The following NBAS variants were observed in gnomAD, a reference collection of about 807,000 sequenced individuals.
The protein encoded by NBAS is NBAS subunit of NRZ tethering complex.
In NBAS, 219 loss-of-function variants were observed where a neutral mutation model predicts 302.5. That is an observed-to-expected ratio of 0.72 (90% CI 0.65 to 0.81). The LOEUF (loss-of-function observed/expected upper bound fraction) is 0.81, where lower values mean the gene tolerates loss of function less well. NBAS is among the 30% of genes least tolerant of loss of function. The probability of loss-of-function intolerance (pLI) is 0.00; values close to 1 mark genes in which losing one functional copy is unlikely to be tolerated. For synonymous variants in NBAS, 1,118 were observed against 1,021.6 expected, an observed-to-expected ratio of 1.09 and a Z score of -1.80; for missense variants, 2,932 against 2,841.6, an observed-to-expected ratio of 1.03 and a Z score of -0.72.
At chr2:15,076,387 G>A in the NBAS span, among the ~76,000 whole-genome samples, 8 of 152,256 alleles carry the variant, frequency 5.3e-5, no homozygotes, top group South Asian at 1.5e-3. Flanking sequence ...TGCTGATAAC[G>A]TGCCGTTTTA....
the NBAS span, among the ~76,000 whole-genome samples, chr2:14,847,382 T>TAAA: frequency 0.022 from 1,162 of 53,120 alleles, 26 homozygotes; most frequent in Middle Eastern, 0.095. Flanking sequence ...GACTCTATCT[T>TAAA]AAAAAAAAAA....
the NBAS span, among the ~76,000 whole-genome samples, chr2:14,967,446 T>C: frequency 6.6e-6 from 1 of 151,948 alleles, no homozygotes; most frequent in African/African-American, 2.4e-5. Context: ...GATAGACAAA[T>C]AGATAAAGAA....
intron 35 of NBAS, among the ~76,000 whole-genome samples, chr2:15,339,289 G>C (rs1672742820): frequency 6.6e-6 from 1 of 152,040 alleles, no homozygotes; most frequent in Non-Finnish European, 1.5e-5. Flanking sequence ...TAGGCAACAG[G>C]ATTACTATGA....
chr2:14,915,042 C>G, the NBAS span, among the ~76,000 whole-genome samples: 3 of 152,164 alleles, frequency 2.0e-5, no homozygotes, highest in Non-Finnish European at 2.9e-5. Flanking sequence ...CTTACTGATA[C>G]AGAGAGTCAT....
At chr2:15,294,158 G>C (rs1354084569) in intron 40 of NBAS, among the ~76,000 whole-genome samples, 1 of 152,208 alleles carries the variant, frequency 6.6e-6, no homozygotes, top group Non-Finnish European at 1.5e-5. Flanking sequence ...CTGTAAAATG[G>C]TGTGACACAA....
chr2:15,209,595 G>T (rs1452845095), intron 48 of NBAS, among the ~76,000 whole-genome samples: 1 of 152,046 alleles, frequency 6.6e-6, no homozygotes, highest in East Asian at 1.9e-4. Context: ...AAATATCAAT[G>T]ACATTCTTTA....
chr2:14,956,129 C>A, the NBAS span, among the ~76,000 whole-genome samples: 2 of 152,174 alleles, frequency 1.3e-5, no homozygotes, highest in African/African-American at 2.4e-5. Context: ...AGGGCAGGGG[C>A]AAAATGTCAC....
intron 51 of NBAS, among the ~76,000 whole-genome samples, chr2:15,174,714 C>A (rs1361009949): frequency 1.3e-5 from 2 of 152,172 alleles, no homozygotes; most frequent in East Asian, 3.9e-4. Context: ...AAAGCAGAAG[C>A]ATGGTGGGGT....
At chr2:15,283,546 G>A (rs938553379) in intron 42 of NBAS, among the ~76,000 whole-genome samples, 20 of 152,206 alleles carry the variant, frequency 1.3e-4, no homozygotes, top group South Asian at 6.2e-4. Context: ...CTTCCCCTTC[G>A]TCTTTCGCCA....
At position 15,441,763 on chromosome 2, in the gene NBAS, T is replaced by C. The variant is rs532564671; in HGVS notation, c.2340-13969A>G. Among the ~76,000 whole-genome samples the C allele has an allele frequency of 8.0e-3, 1,216 of 152,142 alleles. 21 individuals are homozygous for C. Among genetic ancestry groups the C allele is most frequent in the African/African-American group, 0.025 (1,056 of 41,480 alleles). ...CAGTGTGCTGTATTCAGGAAACCCATCTCATGTGCAGAGACAAACATAGGC... is the reference window on the plus strand; with the variant it reads ...CAGTGTGCTGTATTCAGGAAACCCACCTCATGTGCAGAGACAAACATAGGC... On this transcript the variant is annotated intron_variant, in intron 21 of 51. Coordinates refer to ENST00000281513, the MANE Select transcript of NBAS (RefSeq NM_015909.4).
the NBAS span, among the ~76,000 whole-genome samples, chr2:15,042,775 G>A: frequency 6.6e-6 from 1 of 152,140 alleles, no homozygotes; most frequent in Non-Finnish European, 1.5e-5. Context: ...GAGAGATTCT[G>A]GAATCTTCAC....
the NBAS span, among the ~76,000 whole-genome samples, chr2:15,049,924 C>G: frequency 6.6e-6 from 1 of 152,206 alleles, no homozygotes; most frequent in African/African-American, 2.4e-5. Flanking sequence ...CATGTCAAGC[C>G]AGGACATGCT....
intron 48 of NBAS, among the ~76,000 whole-genome samples, chr2:15,210,385 G>A (rs748403916): frequency 5.3e-5 from 8 of 152,072 alleles, no homozygotes; most frequent in Non-Finnish European, 7.4e-5. Flanking sequence ...CAACATCACT[G>A]ATTATCAGAG....
the NBAS span, among the ~76,000 whole-genome samples, chr2:15,120,865 T>A: frequency 6.6e-6 from 1 of 152,204 alleles, no homozygotes; most frequent in Non-Finnish European, 1.5e-5. Context: ...TCCTTGGAGA[T>A]TTATTCTGTT....
At chr2:15,290,095 G>T (rs1182027907) in intron 41 of NBAS, among the ~76,000 whole-genome samples, 3 of 149,816 alleles carry the variant, frequency 2.0e-5, no homozygotes, top group Admixed American at 1.3e-4. Context: ...AGAGGGGAGA[G>T]GGGAGAGAGG....
At chr2:15,536,698 A>T in intron 7 of NBAS, 147 bp from the exon 8 acceptor site, 1 of 797,868 alleles carries the variant, frequency 1.3e-6, no homozygotes, top group Non-Finnish European at 2.0e-6. Flanking sequence ...CTCAAGAATC[A>T]TGCAAGTCAG....
chr2:15,286,633 A>G (rs949301018), intron 42 of NBAS, among the ~76,000 whole-genome samples: 11 of 152,328 alleles, frequency 7.2e-5, no homozygotes, highest in African/African-American at 2.6e-4. Flanking sequence ...CCAACCCAAT[A>G]TTTAAGTCCT....
At chr2:15,439,789 G>C (rs1481637196) in intron 21 of NBAS, among the ~76,000 whole-genome samples, 1 of 152,154 alleles carries the variant, frequency 6.6e-6, no homozygotes, top group Non-Finnish European at 1.5e-5. Context: ...TGGAAAATCG[G>C]GTCACTCCCA....
chr2:15,515,050 T>C (rs74485299), intron 9 of NBAS, among the ~76,000 whole-genome samples: 2,969 of 152,264 alleles, frequency 0.019, 69 homozygotes, highest in East Asian at 0.057. Flanking sequence ...GCTCTAAGAA[T>C]GCATATGTGT....
Sources: gnomAD v4.1 joint callset for allele counts (sites outside exome capture counted in the v4.1 genomes callset) on GRCh38, gnomAD v4.1.1 for gene constraint, MANE v1.5 for transcripts, NCBI Gene and HGNC (gene_info 2026-07-23, HGNC 2026-07-21) for gene names.